Variants in NTM observed in about 807,000 individuals in gnomAD.
NTM encodes the protein IgLON family member 2.
A neutral mutation model predicts 42.1 loss-of-function variants in NTM; 13 were observed. The ratio of observed to expected loss-of-function variants is 0.31; its 90% confidence interval spans 0.20 to 0.49. The LOEUF (loss-of-function observed/expected upper bound fraction) is 0.49. NTM is among the 20% of genes least tolerant of loss of function. The pLI, the probability that NTM is intolerant of heterozygous loss-of-function variation, is 0.99. For synonymous variants in NTM, 187 were observed against 179.2 expected (o/e 1.04, Z -0.35); for missense variants, 373 against 452.8 (o/e 0.82, Z 1.60).
chr11:131,738,813 C>G (rs888672998), intron 1 of NTM, among the ~76,000 whole-genome samples: 1 of 152,182 alleles, frequency 6.6e-6, no homozygotes, highest in Non-Finnish European at 1.5e-5. Flanking sequence ...TTCAATTTCC[C>G]TATAATATGT....
intron 2 of NTM, among the ~76,000 whole-genome samples, chr11:132,112,756 C>G (rs573844430): frequency 1.4e-5 from 2 of 144,482 alleles, no homozygotes; most frequent in African/African-American, 5.3e-5. Flanking sequence ...CACACACACA[C>G]ACATTACATG....
chr11:131,455,264 T>C (rs1950783953), intron 1 of NTM, among the ~76,000 whole-genome samples: 2 of 152,164 alleles, frequency 1.3e-5, no homozygotes, highest in Admixed American at 1.3e-4. Flanking sequence ...CAGGTTTAGA[T>C]GCAGGAGGTG....
intron 2 of NTM, among the ~76,000 whole-genome samples, chr11:131,959,075 C>T (rs2061853675): frequency 1.3e-5 from 2 of 152,172 alleles, no homozygotes; most frequent in African/African-American, 4.8e-5. Context: ...CGTGTCAGTG[C>T]TTTTTGTTCC....
chr11:132,197,069 T>C lies in NTM; in HGVS notation c.401-14953T>C, dbSNP rs376601859. ...TATCTGATAGCAGTTAAGCCACAGATGGGATGGAAGGGAGTTTTAGTTAAA... is the reference window on the plus strand; with the variant it reads ...TATCTGATAGCAGTTAAGCCACAGACGGGATGGAAGGGAGTTTTAGTTAAA... On this transcript the variant is annotated intron_variant, in intron 3 of 8. Transcript: ENST00000683400. Among the ~76,000 whole-genome samples, 59 of 152,200 alleles carry C rather than the reference T, an allele frequency of 3.9e-4. 3 individuals are homozygous for C. Among genetic ancestry groups the C allele is most frequent in the African/African-American group, 1.3e-3 (56 of 41,542 alleles).
intron 1 of NTM, among the ~76,000 whole-genome samples, chr11:131,620,411 C>T (rs1435075275): frequency 2.0e-5 from 3 of 152,192 alleles, no homozygotes; most frequent in African/African-American, 4.8e-5. Context: ...GACCACATCA[C>T]TCCCCACTTA....
At chr11:132,258,658 C>T (rs374324257) in intron 4 of NTM, among the ~76,000 whole-genome samples, 11 of 152,130 alleles carry the variant, frequency 7.2e-5, no homozygotes, top group Non-Finnish European at 1.3e-4. Flanking sequence ...AAAGAGAAAG[C>T]GGACAACTCT....
intron 2 of NTM, among the ~76,000 whole-genome samples, chr11:132,104,946 T>TGC: frequency 2.9e-5 from 1 of 35,082 alleles, no homozygotes; most frequent in Non-Finnish European, 5.6e-5. Context: ...TGTATATATA[T>TGC]ATATATATAT....
intron 1 of NTM, among the ~76,000 whole-genome samples, chr11:131,777,281 C>A (rs138710846): frequency 6.6e-6 from 1 of 152,118 alleles, no homozygotes. Context: ...TACATTCACA[C>A]GCATGCAGAT....
At chr11:131,819,337 C>A (rs2093082020) in intron 1 of NTM, among the ~76,000 whole-genome samples, 1 of 152,132 alleles carries the variant, frequency 6.6e-6, no homozygotes, top group Admixed American at 6.5e-5. Flanking sequence ...GGTTTGGGGT[C>A]AGGTCTGGAC....
intron 2 of NTM, among the ~76,000 whole-genome samples, chr11:132,126,521 C>A (rs548800326): frequency 6.6e-6 from 1 of 152,236 alleles, no homozygotes; most frequent in Non-Finnish European, 1.5e-5. Context: ...GCGGGGACTT[C>A]GCAGCCACCT....
chr11:131,795,451 A>G (rs1490989236), intron 1 of NTM: 1 of 985,304 alleles, frequency 1.0e-6, no homozygotes, highest in African/African-American at 1.7e-5. Context: ...CAAATGCTTG[A>G]TATGCAGCTT....
chr11:132,330,262 C>T, intron 8 of NTM, 77 bp downstream of exon 8: 1 of 1,498,212 alleles, frequency 6.7e-7, no homozygotes. Flanking sequence ...TCCCAGATGC[C>T]TTCTTTCCTG....
chr11:131,499,487 C>T (rs1241313376), intron 1 of NTM, among the ~76,000 whole-genome samples: 1 of 152,200 alleles, frequency 6.6e-6, no homozygotes, highest in Non-Finnish European at 1.5e-5. Flanking sequence ...AGAAGGTCTC[C>T]CCACACTTCA....
intron 7 of NTM, among the ~76,000 whole-genome samples, chr11:132,326,993 A>G (rs564350588): frequency 1.3e-5 from 2 of 152,246 alleles, no homozygotes; most frequent in Non-Finnish European, 2.9e-5. Context: ...ATGGACTAGA[A>G]GTATTTTGAT....
At chr11:131,679,637 C>A (rs1235142753) in intron 1 of NTM, among the ~76,000 whole-genome samples, 1 of 151,484 alleles carries the variant, frequency 6.6e-6, no homozygotes, top group African/African-American at 2.4e-5. Context: ...CCATTTCCCT[C>A]TGATGGCTTC....
At chr11:131,513,129 A>G (rs956935837) in intron 1 of NTM, among the ~76,000 whole-genome samples, 9 of 152,144 alleles carry the variant, frequency 5.9e-5, no homozygotes, top group African/African-American at 2.2e-4. Context: ...GAGCTTCACA[A>G]CCTTCACTGT....
chr11:132,248,070 G>T (rs984186697), intron 4 of NTM, among the ~76,000 whole-genome samples: 1 of 152,126 alleles, frequency 6.6e-6, no homozygotes, highest in Non-Finnish European at 1.5e-5. Context: ...TTAGGAGAAA[G>T]TGCTCCCAAA....
intron 1 of NTM, among the ~76,000 whole-genome samples, chr11:131,491,519 G>A (rs893851672): frequency 6.6e-6 from 1 of 151,906 alleles, no homozygotes; most frequent in East Asian, 1.9e-4. Flanking sequence ...TTCTTAAAGA[G>A]CACCTCAAAA....
chr11:131,904,584 G>C (rs1815864550), intron 1 of NTM, among the ~76,000 whole-genome samples: 1 of 152,180 alleles, frequency 6.6e-6, no homozygotes, highest in Admixed American at 6.5e-5. Context: ...GTTGGGCCTT[G>C]CATGGTCGAA....
Sources: gnomAD v4.1 joint callset for allele counts (sites outside exome capture counted in the v4.1 genomes callset) on GRCh38, gnomAD v4.1.1 for gene constraint, MANE v1.5 for transcripts, NCBI Gene and HGNC (gene_info 2026-07-23, HGNC 2026-07-21) for gene names.